Variants in RACK1 observed in about 807,000 individuals in gnomAD.
The protein encoded by RACK1 is small ribosomal subunit protein RACK1.
In RACK1, 3 loss-of-function variants were observed where a neutral mutation model predicts 42.2. The observed-to-expected ratio is 0.07, with a 90% CI of 0.03 to 0.18. RACK1 has a LOEUF of 0.18. Ranked by LOEUF, RACK1 falls within the 10% of genes least tolerant of loss-of-function variation. The pLI is 1.00. For missense variants in RACK1, 146 were observed against 403.2 expected, an observed-to-expected ratio of 0.36 and a Z score of 5.46; for synonymous variants, 181 against 154.8, an observed-to-expected ratio of 1.17 and a Z score of -1.25.
chr5:181,242,000 G>T, intron 2 of RACK1, 174 bp downstream of exon 2: 1 of 785,746 alleles, frequency 1.3e-6, no homozygotes, highest in Non-Finnish European at 2.3e-6. Flanking sequence ...ACACTCCTCA[G>T]CAATGCTGAG....
Position 181,242,163 on chromosome 5 carries a change from C to T in RACK1, c.281+11G>A. ...TCCCAAGGCCCCAGAGCTAAGTGAGCAGCTACTTGCGTTGTGAGATCCCAG... is the reference window on the plus strand; with the variant it reads ...TCCCAAGGCCCCAGAGCTAAGTGAGTAGCTACTTGCGTTGTGAGATCCCAG... On this transcript the variant is annotated intron_variant, in intron 2 of 7. Coordinates refer to ENST00000512805, the MANE Select transcript of RACK1 (RefSeq NM_006098.5). 6.2e-7 allele frequency: 1 copy of T among 1,606,986 alleles called. No individual in the cohort carries two copies. Among genetic ancestry groups the T allele is most frequent in the Non-Finnish European group, 8.5e-7 (1 of 1,176,488 alleles).
Position 181,237,062 on chromosome 5 carries a change from G to C in RACK1, c.889-20C>G, listed in dbSNP as rs966226069. The C allele has an allele frequency of 1.1e-5, 18 of 1,612,856 alleles. No individual in the cohort carries two copies. The highest frequency in any genetic ancestry group is 1.4e-5 in the Non-Finnish European group (17 of 1,179,718). On this transcript the variant is annotated intron_variant, in intron 7 of 7. Transcript: ENST00000512805. ...CAGAGTCTGCAGGGAAGAAATGACA[G>C]TGACAGGTCAGGCTGGCATAAATTC...
At chr5:181,243,469 C>T (rs1259846704) in intron 1 of RACK1, 2 of 1,478,510 alleles carry the variant, frequency 1.4e-6, no homozygotes, top group Non-Finnish European at 1.8e-6. Context: ...CTAGCAGCTG[C>T]GAGCTGATGT....
In RACK1 at chr5:181,243,901, A is replaced by C; in HGVS notation, c.-101T>G. ...TCTCCTGCCGCCGCCTTGCAGTGAA[A>C]GAGAGAGAGAAAAGCCCCCCGCCGG... On this transcript the variant is annotated 5_prime_UTR_variant, in exon 1 of 8. Transcript: ENST00000512805. 1 of 1,446,918 alleles carries C rather than the reference A, an allele frequency of 6.9e-7. No homozygotes were observed. The highest frequency in any genetic ancestry group is 9.1e-7 in the Non-Finnish European group (1 of 1,098,836). 89.6% of individuals were successfully genotyped at this position (1,446,918 alleles called of 1,614,324 possible).
chr5:181,237,323 G>C lies in RACK1; in HGVS notation c.889-281C>G, dbSNP rs768674309. On this transcript the variant is annotated intron_variant, in intron 7 of 7. Coordinates refer to ENST00000512805, the MANE Select transcript of RACK1 (RefSeq NM_006098.5). Reference sequence around the variant, plus strand: ...TGTAAGTGGTGGTTATGTATTCCTTGAGGAAGAAACAGCTGGTGATAAGGC... The same window carrying C: ...TGTAAGTGGTGGTTATGTATTCCTTCAGGAAGAAACAGCTGGTGATAAGGC... The C allele has an allele frequency of 6.7e-5, 48 of 716,990 alleles. No individual in the cohort carries two copies. The South Asian group carries it at 6.9e-4, about 10-fold the overall frequency. 44.4% of individuals were successfully genotyped at this position (716,990 alleles called of 1,614,324 possible). A position where few individuals can be genotyped will look rare whatever the true frequency, so the allele number is the denominator to read the frequency against.
In RACK1 at chr5:181,242,936, TTG is replaced by T. The variant is rs1582300250; in HGVS notation, c.110-593_110-592del. On this transcript the variant is annotated intron_variant, in intron 1 of 7. Coordinates refer to ENST00000512805, the MANE Select transcript of RACK1 (RefSeq NM_006098.5). ...AACTCAGACGAACTCAACAGCCACTTTGTGTCTTCTCTGCAACCAAATGCACA... is the reference window on the plus strand; with the variant it reads ...AACTCAGACGAACTCAACAGCCACTTTGTCTTCTCTGCAACCAAATGCACA... The T allele has an allele frequency of 1.5e-5, 5 of 331,162 alleles. No homozygotes were observed. In the East Asian group the frequency reaches 3.5e-4, roughly 23 times the overall value. 20.5% of individuals were successfully genotyped at this position (331,162 alleles called of 1,614,324 possible). A position where few individuals can be genotyped will look rare whatever the true frequency, so the allele number is the denominator to read the frequency against.
chr5:181,239,031 C>T (rs780741578), intron 5 of RACK1, 36 bp downstream of exon 5: 5 of 1,351,402 alleles, frequency 3.7e-6, no homozygotes, highest in African/African-American at 2.9e-5. Context: ...ATGACGCTGT[C>T]TTCCACTGAG....
intron 3 of RACK1, among the ~76,000 whole-genome samples, chr5:181,240,633 AG>A (rs1208193944): frequency 3.4e-5 from 5 of 147,938 alleles, no homozygotes; most frequent in Non-Finnish European, 7.4e-5. Flanking sequence ...TCCCCGATCC[AG>A]CCCCCAATCT....
intron 5 of RACK1, 134 bp downstream of exon 5, chr5:181,238,933 A>T (rs13160776): frequency 0.069 from 52,326 of 757,758 alleles, 2,066 homozygotes; most frequent in South Asian, 0.087. Flanking sequence ...ACATATTCTC[A>T]GATTGCCATT....
chr5:181,243,555 A>T lies in RACK1; in HGVS notation c.109+137T>A, dbSNP rs531179975. 1.2e-3 allele frequency: 1,679 copies of T among 1,385,112 alleles called. 4 individuals carry two copies. The highest frequency in any genetic ancestry group is 1.5e-3 in the Non-Finnish European group (1,501 of 1,020,994). The allele number at this position is 1,385,112 out of a possible 1,614,324, so 85.8% of individuals were successfully genotyped here. On this transcript the variant is annotated intron_variant, in intron 1 of 7. Coordinates refer to ENST00000512805, the MANE Select transcript of RACK1 (RefSeq NM_006098.5). ...TCGGGTCCGCACGCCCCAATTCACAATGGGGCAGAGAAGTCTGTCAGTCCC... is the reference window on the plus strand; with the variant it reads ...TCGGGTCCGCACGCCCCAATTCACATTGGGGCAGAGAAGTCTGTCAGTCCC...
intron 7 of RACK1, chr5:181,237,331 A>C (rs1206523701): frequency 2.8e-6 from 2 of 712,646 alleles, no homozygotes; most frequent in South Asian, 3.0e-5. Flanking sequence ...TTGAGGAAGA[A>C]ACAGCTGGTG....
In RACK1 at chr5:181,236,941, G is replaced by GTTTT; in HGVS notation, c.*32_*35dup. 1.5e-6 allele frequency: 2 copies of GTTTT among 1,371,344 alleles called. No homozygotes were observed. Among genetic ancestry groups the GTTTT allele is most frequent in the Admixed American group, 2.4e-5 (1 of 41,718 alleles). 84.9% of individuals were successfully genotyped at this position (1,371,344 alleles called of 1,614,324 possible). Reference sequence around the variant, plus strand: ...AAAAACCTAAAAGTCAGAAAAGCCAGTTTTTTTTTTATTTGTAAAGCTCTG... The same window carrying GTTTT: ...AAAAACCTAAAAGTCAGAAAAGCCAGTTTTTTTTTTTTTTATTTGTAAAGCTCTG... On this transcript the variant is annotated 3_prime_UTR_variant, in exon 8 of 8. Coordinates refer to ENST00000512805, the MANE Select transcript of RACK1 (RefSeq NM_006098.5).
intron 6 of RACK1, 36 bp from the exon 7 acceptor site, chr5:181,237,755 CAATCAAG>C (rs1334198381): frequency 9.1e-7 from 1 of 1,102,764 alleles, no homozygotes; most frequent in South Asian, 1.2e-5. Flanking sequence ...TAAGACTTAC[CAATCAAG>C]AGAGTCTCCT....
chr5:181,241,423 C>A, intron 3 of RACK1, 69 bp downstream of exon 3: 1 of 1,119,384 alleles, frequency 8.9e-7, no homozygotes, highest in Non-Finnish European at 1.2e-6. Context: ...GTGAGACTGT[C>A]GCCAAAAAAA....
chr5:181,243,338 A>G (rs755866571), intron 1 of RACK1: 1 of 1,370,466 alleles, frequency 7.3e-7, no homozygotes, highest in Admixed American at 1.9e-5. Flanking sequence ...TCTGGATTTC[A>G]GCACCGACAC....
intron 7 of RACK1, 66 bp from the exon 8 acceptor site, chr5:181,237,108 CCCA>C: frequency 6.2e-7 from 1 of 1,603,158 alleles, no homozygotes; most frequent in South Asian, 1.1e-5. Context: ...CTAGATTCAG[CCCA>C]AGTGGCTTTT....
At position 181,243,783 on chromosome 5, in the gene RACK1, G is replaced by A. The variant is rs768468889; in HGVS notation, c.18C>T (p.Thr6=). 2 of 1,606,898 alleles carry A rather than the reference G, an allele frequency of 1.2e-6. No individual in the cohort carries two copies. The highest frequency in any genetic ancestry group is 2.2e-5 in the South Asian group (2 of 89,584). MTEQM[T]LRGTLKGHNG... is the part of the protein sequence containing the mutation. ...TGTGGCCCTTGAGGGTGCCACGAAG[G>A]GTCATCTGCTCAGTCATGGCGGCGG... The change falls in exon 1 of 8, where the codon ACC becomes ACT. Residue 6 remains threonine (T), a synonymous_variant. Coordinates refer to ENST00000512805, the MANE Select transcript of RACK1 (RefSeq NM_006098.5).
chr5:181,242,064 T>C (rs1759367254), intron 2 of RACK1, 110 bp downstream of exon 2: 2 of 983,396 alleles, frequency 2.0e-6, no homozygotes, highest in Non-Finnish European at 3.2e-6. Flanking sequence ...TGCTCTGCTT[T>C]CCAGTTCCCA....
intron 3 of RACK1, chr5:181,241,139 A>T: frequency 6.1e-6 from 1 of 163,604 alleles, no homozygotes; most frequent in Non-Finnish European, 1.3e-5. Context: ...AAAAAAAAAA[A>T]GGCAAAGATA....
Sources: allele counts gnomAD v4.1 joint callset (sites outside exome capture counted in the v4.1 genomes callset), GRCh38; gene constraint gnomAD v4.1.1; transcripts MANE v1.5; gene names NCBI Gene and HGNC (gene_info 2026-07-23, HGNC 2026-07-21).